LDB3: variants seen among roughly 807,000 people sequenced by gnomAD.
LDB3 encodes LIM domain-binding protein 3.
LDB3 carries 49 observed loss-of-function variants against 69.0 expected under a neutral mutation model. The ratio of observed to expected loss-of-function variants is 0.71; its 90% CI spans 0.56 to 0.90. The LOEUF (loss-of-function observed/expected upper bound fraction) is 0.90, where lower values mean the gene tolerates loss of function less well. Ranked by LOEUF, LDB3 falls within the 40% of genes least tolerant of loss-of-function variation. LDB3 has a pLI of 0.00. For synonymous variants in LDB3, 387 were observed against 396.2 expected, an observed-to-expected ratio of 0.98 and a Z score of 0.28; for missense variants, 928 against 974.1, an observed-to-expected ratio of 0.95 and a Z score of 0.63.
At position 86,718,012 on chromosome 10, in the gene LDB3, C is replaced by T. The variant is rs764772091; in HGVS notation, c.1725C>T (p.Phe575=). 6.2e-7 allele frequency: 1 copy of T among 1,614,210 alleles called. No individual in the cohort carries two copies. The highest frequency in any genetic ancestry group is 1.7e-5 in the Admixed American group (1 of 60,024). The change falls in exon 11 of 14, where the codon TTC becomes TTT. Residue 575 remains phenylalanine, a synonymous_variant. Transcript: ENST00000361373. ...GCCGTTCTTGGCACCCTGAAGAGTT[C>T]ACCTGTGCCTACTGCAAGACTTCCC... is the stretch of plus-strand genomic sequence containing the variant. ...AMGRSWHPEE[F]TCAYCKTSLA...
intron 5 of LDB3, chr10:86,687,298 A>G (rs768502272): frequency 2.5e-6 from 4 of 1,608,494 alleles, no homozygotes; most frequent in Admixed American, 1.7e-5. Flanking sequence ...CTCCACCGCC[A>G]CTCAGTGCCT....
chr10:86,678,477 C>G (rs976276049), intron 2 of LDB3, among the ~76,000 whole-genome samples: 1 of 151,386 alleles, frequency 6.6e-6, no homozygotes, highest in African/African-American at 2.4e-5. Context: ...GTAGCTGGGA[C>G]TACAGGCGCC....
rs768591342 is a variant in LDB3 at position 86,718,842 on chromosome 10, A to C, written c.1973A>C (p.Glu658Ala). 1.9e-6 allele frequency: 3 copies of C among 1,614,134 alleles called. No individual in the cohort carries two copies. The South Asian group carries it at 3.3e-5, about 18-fold the overall frequency. ...ATGGAAGACGGGGAGCCCTACTGCG[A>C]GAAAGGTAGGAACACTTCGATGGCA... ...FHMEDGEPYC[E>A]KDYINLFSTK... The change falls in exon 12 of 14, where the codon GAG becomes GCG. Residue 658 changes from glutamate (E) to alanine (A), a missense_variant. Transcript: ENST00000361373.
intron 9 of LDB3, among the ~76,000 whole-genome samples, chr10:86,715,710 C>G (rs887850865): frequency 1.2e-4 from 18 of 152,126 alleles, no homozygotes; most frequent in African/African-American, 4.1e-4. Flanking sequence ...CTCTGAATGA[C>G]TCCTTCAAGA....
At chr10:86,667,089 G>A (rs1844213479), upstream of LDB3, among the ~76,000 whole-genome samples, 2 of 152,134 alleles carry the variant, frequency 1.3e-5, no homozygotes, top group African/African-American at 4.8e-5. Flanking sequence ...CATGATATAG[G>A]GTGAAGGAAG....
At chr10:86,694,140 T>C (rs963954974) in intron 7 of LDB3, among the ~76,000 whole-genome samples, 28 of 152,198 alleles carry the variant, frequency 1.8e-4, no homozygotes, top group African/African-American at 5.8e-4. Flanking sequence ...TGCAGCAAAC[T>C]TTTGTCTTTT....
At chr10:86,693,237 G>T (rs910067218) in intron 7 of LDB3, among the ~76,000 whole-genome samples, 17 of 152,230 alleles carry the variant, frequency 1.1e-4, no homozygotes, top group Non-Finnish European at 2.4e-4. Context: ...TGGGCATGGG[G>T]GGGGGCATGC....
intron 13 of LDB3, among the ~76,000 whole-genome samples, chr10:86,731,686 C>T (rs1021549979): frequency 6.6e-6 from 1 of 152,130 alleles, no homozygotes; most frequent in African/African-American, 2.4e-5. Context: ...AATTCTCTAG[C>T]GTGGCATTAC....
At chr10:86,668,609 C>A (rs1204128916) in intron 1 of LDB3, 39 bp downstream of exon 1, 7 of 1,080,460 alleles carry the variant, frequency 6.5e-6, no homozygotes, top group Admixed American at 1.7e-5. Flanking sequence ...GAGGTGTGGA[C>A]CGGGCAGGCG....
chr10:86,677,466 T>C (rs1286239172), intron 2 of LDB3, among the ~76,000 whole-genome samples: 2 of 152,280 alleles, frequency 1.3e-5, no homozygotes, highest in South Asian at 4.1e-4. Context: ...AAGCATTCAG[T>C]GTGCTATTAC....
intron 7 of LDB3, among the ~76,000 whole-genome samples, chr10:86,703,176 C>T (rs192645674): frequency 6.6e-6 from 1 of 152,346 alleles, no homozygotes; most frequent in East Asian, 1.9e-4. Context: ...GTGCAGTGTC[C>T]TCATTTCCCA....
chr10:86,691,513 T>C (rs1167954706), intron 5 of LDB3, among the ~76,000 whole-genome samples: 1 of 152,124 alleles, frequency 6.6e-6, no homozygotes, highest in Admixed American at 6.5e-5. Flanking sequence ...TGTCCCCCAG[T>C]TGGCCTCTCT....
intron 4 of LDB3, among the ~76,000 whole-genome samples, chr10:86,681,114 G>A (rs1398622256): frequency 2.0e-5 from 3 of 152,258 alleles, no homozygotes; most frequent in Non-Finnish European, 2.9e-5. Flanking sequence ...CAGGGGCAGG[G>A]GGAACAGACA....
At chr10:86,695,688 G>C (rs1329342997) in intron 7 of LDB3, among the ~76,000 whole-genome samples, 3 of 152,186 alleles carry the variant, frequency 2.0e-5, no homozygotes, top group Non-Finnish European at 2.9e-5. Context: ...CCCACAAACT[G>C]AGCCTCTAAT....
chr10:86,685,922 A>T (rs915496491), intron 5 of LDB3, among the ~76,000 whole-genome samples: 4 of 151,962 alleles, frequency 2.6e-5, no homozygotes, highest in African/African-American at 9.7e-5. Context: ...TTCTAATTTC[A>T]TTCCCAATTT....
intron 7 of LDB3, among the ~76,000 whole-genome samples, chr10:86,702,689 C>A (rs1203092903): frequency 1.3e-5 from 2 of 152,166 alleles, no homozygotes; most frequent in Non-Finnish European, 2.9e-5. Context: ...GAAGCCAGGA[C>A]CAAGTAAGTT....
At chr10:86,701,203 C>T (rs1564649425) in intron 7 of LDB3, among the ~76,000 whole-genome samples, 1 of 152,236 alleles carries the variant, frequency 6.6e-6, no homozygotes, top group Non-Finnish European at 1.5e-5. Flanking sequence ...TCCTGGAACA[C>T]ACTCATATTT....
Position 86,680,108 on chromosome 10 carries a change from C to A in LDB3, c.272C>A (p.Thr91Lys). Reference sequence around the variant, plus strand: ...TCAAAGCGTCCCATTCCCATCTCCACGACAGCACCTCCAGTCCAGACCCCT... The same window carrying A: ...TCAAAGCGTCCCATTCCCATCTCCAAGACAGCACCTCCAGTCCAGACCCCT... ...QKSKRPIPISTTAPPVQTPLP... is the reference protein window; with the variant it reads ...QKSKRPIPISKTAPPVQTPLP... The change falls in exon 4 of 14, where the codon ACG (threonine) becomes AAG (lysine). Residue 91 changes from threonine to lysine, a missense_variant. Thr to Lys is a moderately conservative substitution (Grantham distance 78). Coordinates refer to ENST00000361373, the MANE Select transcript of LDB3 (RefSeq NM_007078.3). 1.2e-6 allele frequency: 2 copies of A among 1,614,204 alleles called. No individual in the cohort carries two copies. The highest frequency in any genetic ancestry group is 2.2e-5 in the East Asian group (1 of 44,878).
At chr10:86,728,593 T>TTTTTGTTTTTTTG (rs1554868963) in intron 13 of LDB3, among the ~76,000 whole-genome samples, 24 of 149,764 alleles carry the variant, frequency 1.6e-4, no homozygotes, top group African/African-American at 5.4e-4. Flanking sequence ...TTTGTTTTTT[T>TTTTTGTTTTTTTG]TTTTTTTTGA....
Sources: allele counts gnomAD v4.1 joint callset (sites outside exome capture counted in the v4.1 genomes callset), GRCh38; gene constraint gnomAD v4.1.1; transcripts MANE v1.5; gene names NCBI Gene and HGNC (gene_info 2026-07-23, HGNC 2026-07-21).